PDSS2: variants seen among roughly 807,000 people sequenced by gnomAD.
PDSS2 encodes decaprenyl diphosphate synthase subunit 2.
Under a neutral mutation model 44.5 loss-of-function variants are expected in PDSS2, and 31 were observed. The ratio of observed to expected loss-of-function variants is 0.70; its 90% CI spans 0.52 to 0.94. The LOEUF is 0.94. PDSS2 is among the 40% of genes least tolerant of loss of function. PDSS2 has a pLI of 0.00. For synonymous variants in PDSS2, 157 were observed against 180.3 expected, an observed-to-expected ratio of 0.87 and a Z score of 1.03; for missense variants, 452 against 482.2, an observed-to-expected ratio of 0.94 and a Z score of 0.59.
intron 2 of PDSS2, among the ~76,000 whole-genome samples, chr6:107,322,802 AACAGAGGGAG>A (rs1222848216): frequency 1.3e-5 from 2 of 152,184 alleles, no homozygotes; most frequent in Non-Finnish European, 2.9e-5. Context: ...CAGCCTGGGC[AACAGAGGGAG>A]ACCCTGTCTC....
chr6:107,160,655 T>C (rs1227090406), intron 7 of PDSS2, among the ~76,000 whole-genome samples: 1 of 150,820 alleles, frequency 6.6e-6, no homozygotes, highest in Non-Finnish European at 1.5e-5. Context: ...GGCCAGTTGA[T>C]GTCTTGTAAA....
intron 7 of PDSS2, among the ~76,000 whole-genome samples, chr6:107,170,619 CACT>C (rs782477009): frequency 6.0e-5 from 5 of 82,810 alleles, no homozygotes; most frequent in Non-Finnish European, 1.0e-4. Context: ...CCCCCCCCCC[CACT>C]TTTTTTTTTC....
intron 7 of PDSS2, among the ~76,000 whole-genome samples, chr6:107,176,680 CA>C (rs1771800891): frequency 6.6e-6 from 1 of 152,070 alleles, no homozygotes; most frequent in Admixed American, 6.6e-5. Flanking sequence ...GAGCTGAACA[CA>C]ACGCAACAGC....
intron 7 of PDSS2, among the ~76,000 whole-genome samples, chr6:107,177,951 A>G (rs752572309): frequency 6.6e-6 from 1 of 152,206 alleles, no homozygotes; most frequent in Non-Finnish European, 1.5e-5. Context: ...GAATATATAA[A>G]CTATGTTAAG....
chr6:107,306,477 C>T (rs1220384836), intron 2 of PDSS2, among the ~76,000 whole-genome samples: 4 of 152,174 alleles, frequency 2.6e-5, no homozygotes, highest in Non-Finnish European at 4.4e-5. Context: ...AACCTCTTTC[C>T]TTTGTAAATT....
At chr6:107,450,187 T>C (rs1352795642) in intron 1 of PDSS2, among the ~76,000 whole-genome samples, 1 of 152,274 alleles carries the variant, frequency 6.6e-6, no homozygotes, top group Non-Finnish European at 1.5e-5. Flanking sequence ...CATTTCTTTT[T>C]ATTGTTGGGT....
At chr6:107,411,270 TGTAA>T (rs1397159000) in intron 1 of PDSS2, among the ~76,000 whole-genome samples, 2 of 152,202 alleles carry the variant, frequency 1.3e-5, no homozygotes, top group Non-Finnish European at 2.9e-5. Flanking sequence ...CAGACAATCT[TGTAA>T]GTGAGGTTGC....
chr6:107,158,893 C>A (rs1771011720), intron 7 of PDSS2, among the ~76,000 whole-genome samples: 1 of 151,706 alleles, frequency 6.6e-6, no homozygotes, highest in Admixed American at 6.6e-5. Flanking sequence ...CACACCCAGT[C>A]AATTTTTATA....
intron 2 of PDSS2, among the ~76,000 whole-genome samples, chr6:107,298,542 G>A (rs1776586141): frequency 6.6e-6 from 1 of 152,040 alleles, no homozygotes; most frequent in African/African-American, 2.4e-5. Flanking sequence ...GAGATCCTGG[G>A]ACCAAGATCC....
intron 3 of PDSS2, among the ~76,000 whole-genome samples, chr6:107,255,365 C>A (rs1304343090): frequency 6.6e-6 from 1 of 151,096 alleles, no homozygotes; most frequent in Non-Finnish European, 1.5e-5. Context: ...GCTAATTTTG[C>A]ATTTTTAGTA....
At chr6:107,243,866 C>T (rs1774522043) in intron 4 of PDSS2, among the ~76,000 whole-genome samples, 1 of 152,170 alleles carries the variant, frequency 6.6e-6, no homozygotes, top group South Asian at 2.1e-4. Flanking sequence ...TGGTGGCTCA[C>T]ACCTGTAATC....
intron 1 of PDSS2, among the ~76,000 whole-genome samples, chr6:107,429,403 T>C (rs554458666): frequency 6.6e-6 from 1 of 152,264 alleles, no homozygotes; most frequent in Non-Finnish European, 1.5e-5. Context: ...CAAACTCCCA[T>C]ACAGTGAGAT....
chr6:107,284,041 T>A (rs1012764097), intron 2 of PDSS2, among the ~76,000 whole-genome samples: 2 of 150,386 alleles, frequency 1.3e-5, no homozygotes, highest in Non-Finnish European at 3.0e-5. Flanking sequence ...ATAATAATAA[T>A]AAAATAAAAA....
At chr6:107,333,668 A>T (rs900365632) in intron 2 of PDSS2, among the ~76,000 whole-genome samples, 1 of 152,122 alleles carries the variant, frequency 6.6e-6, no homozygotes, top group African/African-American at 2.4e-5. Context: ...CCTGAGTAAC[A>T]GGGACTACAG....
intron 1 of PDSS2, among the ~76,000 whole-genome samples, chr6:107,413,377 A>G (rs1780563006): frequency 6.6e-6 from 1 of 152,214 alleles, no homozygotes; most frequent in South Asian, 2.1e-4. Context: ...CTCTACAAAA[A>G]ATAAGAAATT....
At chr6:107,305,635 T>G (rs1440698126) in intron 2 of PDSS2, among the ~76,000 whole-genome samples, 1 of 152,216 alleles carries the variant, frequency 6.6e-6, no homozygotes, top group Non-Finnish European at 1.5e-5. Flanking sequence ...TCATGTAATG[T>G]CAAGTATCTA....
chr6:107,180,928 T>G (rs1167320784), intron 7 of PDSS2, among the ~76,000 whole-genome samples: 1 of 152,150 alleles, frequency 6.6e-6, no homozygotes, highest in Non-Finnish European at 1.5e-5. Flanking sequence ...AACCGCAACC[T>G]CCATCTCCCG....
At chr6:107,254,081 T>C (rs986040168) in intron 3 of PDSS2, among the ~76,000 whole-genome samples, 8 of 149,770 alleles carry the variant, frequency 5.3e-5, no homozygotes, top group African/African-American at 2.0e-4. Flanking sequence ...TCTCCCAGAC[T>C]GGAATGCAGT....
chr6:107,396,576 C>T (rs319119), intron 1 of PDSS2, among the ~76,000 whole-genome samples: 109,660 of 151,938 alleles, frequency 0.72, 40,017 homozygotes, highest in Middle Eastern at 0.79. Context: ...TTTCTCATAT[C>T]TGATTGTGTG....
Sources: allele counts gnomAD v4.1 joint callset (sites outside exome capture counted in the v4.1 genomes callset), GRCh38; gene constraint gnomAD v4.1.1; transcripts MANE v1.5; gene names NCBI Gene and HGNC (gene_info 2026-07-23, HGNC 2026-07-21).